The following ADAT3 variants were observed in gnomAD, a reference collection of about 807,000 sequenced individuals.
ADAT3 encodes tRNA-specific adenosine-34 deaminase regulatory subunit ADAT3.
In ADAT3, 2 loss-of-function variants were observed where a neutral mutation model predicts 3.5. That is an observed-to-expected ratio of 0.57 (90% CI 0.23 to 1.79). The LOEUF (loss-of-function observed/expected upper bound fraction) is 1.79, where lower values mean the gene tolerates loss of function less well. Among genes scored for constraint, ADAT3 ranks in the 40% most tolerant of loss-of-function variants. The pLI, the probability that ADAT3 is intolerant of heterozygous loss-of-function variation, is 0.18. For synonymous variants in ADAT3, 358 were observed against 270.3 expected, an observed-to-expected ratio of 1.32 and a Z score of -3.18; for missense variants, 735 against 571.4, an observed-to-expected ratio of 1.29 and a Z score of -2.92.
chr19:1,907,559 C>A (rs1374292690), intron 1 of ADAT3, among the ~76,000 whole-genome samples: 1 of 152,154 alleles, frequency 6.6e-6, no homozygotes, highest in South Asian at 2.1e-4. Context: ...GGTGGACATA[C>A]CCAGGTCCCG....
chr19:1,912,104 C>A lies in ADAT3; in HGVS notation c.57C>A (p.Pro19=). Residue 19 remains proline (P), a synonymous_variant, in exon 2 of 2, where the codon CCC becomes CCA. Transcript: ENST00000329478. ...AGTCGGCCTCGCTGAGGATGGAGCCCGCCCCGGGCCTCGTGGAGCAGCCCA... is the reference window on the plus strand; with the variant it reads ...AGTCGGCCTCGCTGAGGATGGAGCCAGCCCCGGGCCTCGTGGAGCAGCCCA... The part of the protein sequence containing the change: ...LPQSASLRME[P]APGLVEQPKC... The A allele has an allele frequency of 6.6e-7, 1 of 1,509,250 alleles. No homozygotes were observed. The allele number at this position is 1,509,250 out of a possible 1,614,324, so 93.5% of individuals were successfully genotyped here. A position where few individuals can be genotyped will look rare whatever the true frequency, so the allele number is the denominator to read the frequency against.
In ADAT3 at chr19:1,912,854, G is replaced by T. The variant is rs1421507475; in HGVS notation, c.807G>T (p.Pro269=). The T allele has an allele frequency of 1.4e-5, 23 of 1,596,712 alleles. No individual in the cohort carries two copies. The highest frequency in any genetic ancestry group is 1.9e-5 in the Non-Finnish European group (22 of 1,176,664). Residue 269 remains proline, a synonymous_variant, in exon 2 of 2, where the codon CCG becomes CCT. Coordinates refer to ENST00000329478, the MANE Select transcript of ADAT3 (RefSeq NM_138422.4). Reference sequence around the variant, plus strand: ...CCTTCCCCGCCTGCTCCTTCGCCCCGGCCGCTGCCCCCCAGGCCGTCCGCG... The same window carrying T: ...CCTTCCCCGCCTGCTCCTTCGCCCCTGCCGCTGCCCCCCAGGCCGTCCGCG... ...FRPFPACSFA[P]AAAPQAVRAG... is the part of the protein sequence containing the mutation.
intron 1 of ADAT3, among the ~76,000 whole-genome samples, chr19:1,909,845 G>A (rs2013344060): frequency 6.6e-6 from 1 of 152,194 alleles, no homozygotes; most frequent in Non-Finnish European, 1.5e-5. Context: ...CAGGAATGTG[G>A]TCAAGGGATG....
In ADAT3 at chr19:1,912,897, C is replaced by G. The variant is rs139715915; in HGVS notation, c.850C>G (p.Leu284Val). 6.2e-7 allele frequency: 1 copy of G among 1,608,246 alleles called. No individual in the cohort carries two copies. The highest frequency in any genetic ancestry group is 1.1e-5 in the South Asian group (1 of 91,058). ...QAVRAGAVRK[L>V]DADEDGLPYL... ...CGTCCGCGCAGGCGCCGTGCGTAAA[C>G]TGGACGCAGACGAGGACGGCCTCCC... Residue 284 changes from leucine to valine, a missense_variant, in exon 2 of 2, where the codon CTG (leucine) becomes GTG (valine). Physicochemically the swap from Leu to Val is conservative, Grantham distance 32. Coordinates refer to ENST00000329478, the MANE Select transcript of ADAT3 (RefSeq NM_138422.4).
At position 1,912,574 on chromosome 19, in the gene ADAT3, T is replaced by A; in HGVS notation, c.527T>A (p.Leu176Gln). 6.7e-7 allele frequency: 1 copy of A among 1,497,352 alleles called. No homozygotes were observed. Among genetic ancestry groups the A allele is most frequent in the Non-Finnish European group, 8.8e-7 (1 of 1,130,134 alleles). The allele number at this position is 1,497,352 out of a possible 1,614,324, so 92.8% of individuals were successfully genotyped here. ...FHEDKQVTSA[L>Q]AGRLFSTQER... ...GAGGACAAGCAGGTGACCAGCGCCC[T>A]GGCTGGGCGGCTCTTCTCCACGCAG... The change falls in exon 2 of 2, where the codon CTG (leucine) becomes CAG (glutamine). Residue 176 changes from leucine to glutamine, a missense_variant. Coordinates refer to ENST00000329478, the MANE Select transcript of ADAT3 (RefSeq NM_138422.4).
intron 1 of ADAT3, among the ~76,000 whole-genome samples, chr19:1,909,848 A>G (rs2013344321): frequency 6.6e-6 from 1 of 152,168 alleles, no homozygotes; most frequent in African/African-American, 2.4e-5. Flanking sequence ...GAATGTGGTC[A>G]AGGGATGGGA....
rs1157011099 is a variant in ADAT3 at position 1,912,716 on chromosome 19, G to T, written c.669G>T (p.Val223=). ...TAGTGGACCCGGCCTCGGACCGCGT[G>T]CTGGCCACCGGCCACGACTGCAGCT... ...AVVVDPASDR[V]LATGHDCSCA... Residue 223 remains valine (V), a synonymous_variant, in exon 2 of 2, where the codon GTG becomes GTT. Coordinates refer to ENST00000329478, the MANE Select transcript of ADAT3 (RefSeq NM_138422.4). 2.0e-6 allele frequency: 3 copies of T among 1,516,258 alleles called. No individual in the cohort carries two copies. Among genetic ancestry groups the T allele is most frequent in the Non-Finnish European group, 2.6e-6 (3 of 1,139,698 alleles). The allele number at this position is 1,516,258 out of a possible 1,614,324, so 93.9% of individuals were successfully genotyped here. A position where few individuals can be genotyped will look rare whatever the true frequency, so the allele number is the denominator to read the frequency against.
chr19:1,906,554 AATAC>A (rs2013123777), intron 1 of ADAT3: 1 of 151,738 alleles, frequency 6.6e-6, no homozygotes, highest in African/African-American at 2.4e-5. Flanking sequence ...AAATAAATAA[AATAC>A]ATACGTGTAG....
rs751793893 is a variant in ADAT3 at position 1,912,851 on chromosome 19, C to T, written c.804C>T (p.Ala268=). The T allele has an allele frequency of 6.3e-7, 1 of 1,596,976 alleles. No homozygotes were observed. Among genetic ancestry groups the T allele is most frequent in the Non-Finnish European group, 8.5e-7 (1 of 1,176,972 alleles). The stretch of plus-strand genomic sequence containing the variant: ...GACCCTTCCCCGCCTGCTCCTTCGC[C>T]CCGGCCGCTGCCCCCCAGGCCGTCC... ...DFRPFPACSF[A]PAAAPQAVRA... The change falls in exon 2 of 2, where the codon GCC becomes GCT. Residue 268 remains alanine (A), a synonymous_variant. Coordinates refer to ENST00000329478, the MANE Select transcript of ADAT3 (RefSeq NM_138422.4).
intron 1 of ADAT3, among the ~76,000 whole-genome samples, chr19:1,909,197 G>A (rs2013303517): frequency 6.6e-6 from 1 of 152,138 alleles, no homozygotes; most frequent in African/African-American, 2.4e-5. Flanking sequence ...GATGCAGGTG[G>A]GGGAAGGCTG....
At chr19:1,905,770 C>T (rs1046785318) in intron 1 of ADAT3, 1 of 152,414 alleles carries the variant, frequency 6.6e-6, no homozygotes, top group Non-Finnish European at 1.5e-5. Context: ...GGTGGCCCTT[C>T]CTCAGGTCAT....
rs764117302 is a variant in ADAT3 at position 1,908,509 on chromosome 19, C to G, written c.-159+3070C>G. The G allele has an allele frequency of 2.1e-6, 1 of 471,064 alleles. No homozygotes were observed. Among genetic ancestry groups the G allele is most frequent in the Non-Finnish European group, 4.4e-6 (1 of 227,024 alleles). 29.2% of individuals were successfully genotyped at this position (471,064 alleles called of 1,614,324 possible). ...CTGCGGGAGGAGCCGTCCATACCAG[C>G]GGGGATGTGTAGTCCAGGCTGGCAG... On this transcript the variant is annotated intron_variant, in intron 1 of 1. Coordinates refer to ENST00000329478, the MANE Select transcript of ADAT3 (RefSeq NM_138422.4). The surrounding 1 kb of genome is among the most constrained non-coding windows in gnomAD (Gnocchi z 4.2).
At chr19:1,911,066 G>A (rs536426587) in intron 1 of ADAT3, among the ~76,000 whole-genome samples, 44 of 152,160 alleles carry the variant, frequency 2.9e-4, no homozygotes, top group African/African-American at 9.6e-4. Context: ...TAGTAGAGAC[G>A]GGGTTTCACC....
chr19:1,912,616 A>G lies in ADAT3; in HGVS notation c.569A>G (p.Gln190Arg). Residue 190 changes from glutamine to arginine, a missense_variant, in exon 2 of 2, where the codon CAG becomes CGG. Transcript: ENST00000329478. ...TCCACGCAGGAGCGCGCCGCCATGC[A>G]GAGCCACATGGAGCGGGCGGTGTGG... Reference protein sequence around the residue: ...LFSTQERAAMQSHMERAVWAA... With the variant: ...LFSTQERAAMRSHMERAVWAA... 1.4e-6 allele frequency: 2 copies of G among 1,473,738 alleles called. No homozygotes were observed. Among genetic ancestry groups the G allele is most frequent in the Admixed American group, 2.4e-5 (1 of 41,134 alleles). 91.3% of individuals were successfully genotyped at this position (1,473,738 alleles called of 1,614,324 possible).
At position 1,911,910 on chromosome 19, in the gene ADAT3, A is replaced by C; in HGVS notation, c.-138A>C. Reference sequence around the variant, plus strand: ...ACCAGGGGTTAGCAGGACATGAGGGAGTGTAGCTCTGATGCGGTGACCTGG... The same window carrying C: ...ACCAGGGGTTAGCAGGACATGAGGGCGTGTAGCTCTGATGCGGTGACCTGG... On this transcript the variant is annotated 5_prime_UTR_variant, in exon 2 of 2. Coordinates refer to ENST00000329478, the MANE Select transcript of ADAT3 (RefSeq NM_138422.4). The C allele has an allele frequency of 9.2e-7, 1 of 1,087,522 alleles. No individual in the cohort carries two copies. Among genetic ancestry groups the C allele is most frequent in the Non-Finnish European group, 1.2e-6 (1 of 813,294 alleles). The allele number at this position is 1,087,522 out of a possible 1,614,324, so 67.4% of individuals were successfully genotyped here.
chr19:1,911,862 A>T, intron 1 of ADAT3, 28 bp from the exon 2 acceptor site: 1 of 564,706 alleles, frequency 1.8e-6, no homozygotes, highest in Non-Finnish European at 2.7e-6. Flanking sequence ...TTAAAAACCA[A>T]TGGCTGTTTA....
intron 1 of ADAT3, chr19:1,907,005 G>T (rs917684017): frequency 1.3e-5 from 2 of 151,826 alleles, no homozygotes; most frequent in African/African-American, 4.8e-5. Flanking sequence ...GACCAATATG[G>T]TGAAATCCCA....
intron 1 of ADAT3, among the ~76,000 whole-genome samples, chr19:1,909,105 A>G (rs1162342874): frequency 1.4e-5 from 2 of 138,762 alleles, no homozygotes; most frequent in Admixed American, 7.1e-5. Flanking sequence ...ACTCTGTCTG[A>G]AAAAAAAAAA....
intron 1 of ADAT3, among the ~76,000 whole-genome samples, chr19:1,907,556 A>G (rs988583772): frequency 3.9e-5 from 6 of 152,116 alleles, no homozygotes; most frequent in African/African-American, 1.2e-4. Context: ...CTGGGTGGAC[A>G]TACCCAGGTC....
Sources: allele counts gnomAD v4.1 joint callset (sites outside exome capture counted in the v4.1 genomes callset), GRCh38; gene constraint gnomAD v4.1.1; non-coding constraint Gnocchi (gnomAD v3.1); transcripts MANE v1.5; gene names NCBI Gene and HGNC (gene_info 2026-07-23, HGNC 2026-07-21).